MMP26: variants seen among roughly 807,000 people sequenced by gnomAD.
MMP26 encodes the protein matrix metallopeptidase 26.
MMP26 carries 33 observed loss-of-function variants against 31.0 expected under a neutral mutation model. That is an observed-to-expected ratio of 1.06 (90% confidence interval 0.81 to 1.42). The LOEUF is 1.42. MMP26 is among the 40% of genes most tolerant of loss of function. The pLI is 0.00. For missense variants in MMP26, 347 were observed against 316.1 expected (o/e 1.10, Z -0.74); for synonymous variants, 122 against 114.9 (o/e 1.06, Z -0.40).
At chr11:4,725,092 T>G (rs909071651) in intron 1 of MMP26, among the ~76,000 whole-genome samples, 1 of 152,192 alleles carries the variant, frequency 6.6e-6, no homozygotes, top group Admixed American at 6.5e-5. Flanking sequence ...TCCCCCTTGC[T>G]CCTTCTTCAG....
intron 1 of MMP26, among the ~76,000 whole-genome samples, chr11:4,738,128 C>T (rs903698322): frequency 7.2e-5 from 11 of 152,050 alleles, no homozygotes; most frequent in African/African-American, 2.7e-4. Context: ...ACTGATGGCC[C>T]ACAGGAAAAA....
At chr11:4,797,351 T>C (rs556776688) in intron 2 of MMP26, among the ~76,000 whole-genome samples, 1 of 152,218 alleles carries the variant, frequency 6.6e-6, no homozygotes, top group African/African-American at 2.4e-5. Flanking sequence ...CACATCCCAG[T>C]TGGCCCACAG....
At chr11:4,768,918 T>A in intron 2 of MMP26, 1 of 1,125,940 alleles carries the variant, frequency 8.9e-7, no homozygotes, top group Non-Finnish European at 1.2e-6. Flanking sequence ...AGAGAGCAAG[T>A]TCGCTTTTCT....
At chr11:4,977,067 C>A (rs1846747760) in intron 2 of MMP26, among the ~76,000 whole-genome samples, 1 of 151,372 alleles carries the variant, frequency 6.6e-6, no homozygotes, top group Admixed American at 6.6e-5. Context: ...TAAATTTTAT[C>A]TATTAGTCTG....
chr11:4,750,727 T>C (rs1173130134), intron 1 of MMP26, among the ~76,000 whole-genome samples: 1 of 151,878 alleles, frequency 6.6e-6, no homozygotes, highest in African/African-American at 2.4e-5. Context: ...AATGTGCACA[T>C]ATGGCCGTTT....
At chr11:4,822,072 G>T in intron 2 of MMP26, 1 of 1,613,538 alleles carries the variant, frequency 6.2e-7, no homozygotes. Flanking sequence ...CTTGCATCCT[G>T]CTCTCCTATA....
intron 2 of MMP26, among the ~76,000 whole-genome samples, chr11:4,768,585 T>TG (rs1353371945): frequency 6.6e-6 from 1 of 152,190 alleles, no homozygotes; most frequent in East Asian, 1.9e-4. Context: ...ACATGGCCTT[T>TG]GGGGGCCTAA....
chr11:4,822,536 G>T (rs562445414), intron 2 of MMP26: 1 of 570,328 alleles, frequency 1.8e-6, no homozygotes. Context: ...ATAAATTCAT[G>T]TCATTGCCAA....
intron 2 of MMP26, among the ~76,000 whole-genome samples, chr11:4,916,405 A>AG (rs1851092436): frequency 6.6e-6 from 1 of 150,884 alleles, no homozygotes; most frequent in African/African-American, 2.4e-5. Flanking sequence ...TTTACTGGAA[A>AG]AAAAAAGTCC....
chr11:4,916,767 C>T (rs1035073135), intron 2 of MMP26, among the ~76,000 whole-genome samples: 5 of 152,168 alleles, frequency 3.3e-5, no homozygotes, highest in African/African-American at 1.2e-4. Context: ...AGCCCTGATC[C>T]TCCTGTCAAT....
chr11:4,800,375 C>A (rs1589904344), intron 2 of MMP26, among the ~76,000 whole-genome samples: 1 of 152,186 alleles, frequency 6.6e-6, no homozygotes, highest in Non-Finnish European at 1.5e-5. Flanking sequence ...CCAAGCTGCA[C>A]CTAGGGCCCT....
At chr11:4,867,385 T>TC (rs1487258359) in intron 2 of MMP26, among the ~76,000 whole-genome samples, 13 of 132,384 alleles carry the variant, frequency 9.8e-5, no homozygotes, top group Non-Finnish European at 1.9e-4. Context: ...TGAGATGCTG[T>TC]CCTTTTTTTT....
intron 1 of MMP26, chr11:4,723,245 A>AT (rs1473835502): frequency 6.5e-6 from 8 of 1,234,078 alleles, no homozygotes; most frequent in Non-Finnish European, 9.5e-6. Context: ...GAGCCGGCTG[A>AT]TGTTCCAGTT....
intron 2 of MMP26, among the ~76,000 whole-genome samples, chr11:4,925,572 C>T (rs567883580): frequency 5.3e-5 from 8 of 151,898 alleles, no homozygotes; most frequent in Non-Finnish European, 1.2e-4. Context: ...CAGGTATGCA[C>T]CGTGGGTATG....
chr11:4,849,215 G>C, intron 2 of MMP26: 1 of 1,593,580 alleles, frequency 6.3e-7, no homozygotes, highest in Non-Finnish European at 8.5e-7. Flanking sequence ...ACATAGTTCA[G>C]GATTCCACGT....
At chr11:4,849,734 G>A (rs1419865702) in intron 2 of MMP26, among the ~76,000 whole-genome samples, 2 of 152,030 alleles carry the variant, frequency 1.3e-5, no homozygotes, top group East Asian at 3.9e-4. Context: ...TTCTTAATGA[G>A]CTTTGGCTAC....
chr11:4,909,651 T>A (rs1850959785), intron 2 of MMP26, among the ~76,000 whole-genome samples: 1 of 152,172 alleles, frequency 6.6e-6, no homozygotes, highest in African/African-American at 2.4e-5. Context: ...CTCTCTAATA[T>A]GCTTTTTTAC....
At chr11:4,785,498 A>G (rs1292200093) in intron 2 of MMP26, among the ~76,000 whole-genome samples, 1 of 152,154 alleles carries the variant, frequency 6.6e-6, no homozygotes, top group African/African-American at 2.4e-5. Context: ...ATTTTGTACC[A>G]TCCTCTAGAT....
chr11:4,720,385 A>T (rs1312394091), intron 1 of MMP26, among the ~76,000 whole-genome samples: 1 of 152,232 alleles, frequency 6.6e-6, no homozygotes, highest in Non-Finnish European at 1.5e-5. Context: ...GAAATATTTT[A>T]ATCTGGTGGG....
Sources: gnomAD v4.1 joint callset for allele counts (sites outside exome capture counted in the v4.1 genomes callset) on GRCh38, gnomAD v4.1.1 for gene constraint, MANE v1.5 for transcripts, NCBI Gene and HGNC (gene_info 2026-07-23, HGNC 2026-07-21) for gene names.